Variants in CFAP54 observed in about 807,000 individuals in gnomAD.
The protein encoded by CFAP54 is cilia and flagella associated protein 54.
A neutral mutation model predicts 370.4 loss-of-function variants in CFAP54; 290 were observed. The ratio of observed to expected loss-of-function variants is 0.78; its 90% confidence interval spans 0.71 to 0.86. CFAP54 has a LOEUF of 0.86. Among genes scored for constraint, CFAP54 ranks in the 40% least tolerant of loss-of-function variants. CFAP54 has a pLI of 0.00. For missense variants in CFAP54, 3,399 were observed against 3,528.7 expected (o/e 0.96, Z 0.93); for synonymous variants, 1,206 against 1,236.5 (o/e 0.98, Z 0.52).
intron 27 of CFAP54, among the ~76,000 whole-genome samples, chr12:96,622,721 T>C (rs2136467340): frequency 6.6e-6 from 1 of 152,296 alleles, no homozygotes; most frequent in East Asian, 1.9e-4. Flanking sequence ...GAGTAGAGAC[T>C]CTCATCCCTG....
At chr12:96,521,525 TGTGTGTGTGTGTGTGTGTGTGTGC>T (rs1242010909) in intron 6 of CFAP54, among the ~76,000 whole-genome samples, 6 of 118,352 alleles carry the variant, frequency 5.1e-5, no homozygotes, top group East Asian at 5.4e-4. Context: ...TGTGTGTGTG[TGTGTGTGTGTGTGTGTGTGTGTGC>T]GCGTGCGCAC....
intron 1 of CFAP54, among the ~76,000 whole-genome samples, chr12:96,497,475 C>T (rs1360186229): frequency 6.6e-6 from 1 of 152,148 alleles, no homozygotes; most frequent in African/African-American, 2.4e-5. Context: ...GAAATAGACT[C>T]ACATAAATAT....
chr12:96,512,299 TTTTATATATATATATATATATA>T (rs1955178147), intron 4 of CFAP54, among the ~76,000 whole-genome samples: 4 of 119,574 alleles, frequency 3.3e-5, no homozygotes, highest in African/African-American at 9.0e-5. Context: ...TGGGAACCAA[TTTTATATATATATATATATATA>T]TATATATATA....
At chr12:96,856,781 T>G (rs1471367251) in intron 66 of CFAP54, among the ~76,000 whole-genome samples, 1 of 152,196 alleles carries the variant, frequency 6.6e-6, no homozygotes, top group Non-Finnish European at 1.5e-5. Flanking sequence ...CCCTCCAAAC[T>G]GTCCCAACCT....
chr12:96,697,016 C>T (rs185049476), intron 45 of CFAP54, among the ~76,000 whole-genome samples: 74 of 152,342 alleles, frequency 4.9e-4, no homozygotes, highest in Non-Finnish European at 8.5e-4. Flanking sequence ...TCATGATCAG[C>T]TGGCCTGGCT....
intron 9 of CFAP54, among the ~76,000 whole-genome samples, chr12:96,530,683 A>C (rs1000159459): frequency 6.6e-6 from 1 of 152,220 alleles, no homozygotes; most frequent in Non-Finnish European, 1.5e-5. Context: ...TTTCTCTGGA[A>C]TAAAATGCTC....
chr12:96,675,558 T>C (rs1463621684), intron 39 of CFAP54, among the ~76,000 whole-genome samples: 3 of 152,172 alleles, frequency 2.0e-5, no homozygotes, highest in African/African-American at 7.2e-5. Flanking sequence ...GAACTAGAAA[T>C]ACCATTTGAC....
Position 96,644,418 on chromosome 12 carries a change from A to G in CFAP54, c.4547+10A>G. 2 of 1,481,680 alleles carry G rather than the reference A, an allele frequency of 1.3e-6. No homozygotes were observed. The highest frequency in any genetic ancestry group is 1.4e-5 in the African/African-American group (1 of 71,912). 91.8% of individuals were successfully genotyped at this position (1,481,680 alleles called of 1,614,324 possible). Reference sequence around the variant, plus strand: ...CACATATGATGGTCAGGTATAGTATATTACTGATGAAAAATACTTTTTTAG... The same window carrying G: ...CACATATGATGGTCAGGTATAGTATGTTACTGATGAAAAATACTTTTTTAG... On this transcript the variant is annotated intron_variant, in intron 33 of 67. Transcript: ENST00000524981.
chr12:96,851,251 T>C (rs1959536730), intron 66 of CFAP54, among the ~76,000 whole-genome samples: 1 of 152,210 alleles, frequency 6.6e-6, no homozygotes, highest in East Asian at 1.9e-4. Context: ...CTTAACATTT[T>C]AAAAACTTGT....
intron 15 of CFAP54, among the ~76,000 whole-genome samples, chr12:96,548,582 A>G (rs542320551): frequency 6.6e-6 from 1 of 152,268 alleles, no homozygotes; most frequent in African/African-American, 2.4e-5. Flanking sequence ...ACTTCCTCAA[A>G]TGCACGTTCC....
chr12:96,696,454 G>A (rs1957440916), intron 45 of CFAP54, among the ~76,000 whole-genome samples: 1 of 152,040 alleles, frequency 6.6e-6, no homozygotes, highest in South Asian at 2.1e-4. Context: ...GGGCACCAAA[G>A]GACATAATCT....
intron 9 of CFAP54, among the ~76,000 whole-genome samples, chr12:96,529,062 C>T (rs1955413179): frequency 6.6e-6 from 1 of 152,022 alleles, no homozygotes; most frequent in Non-Finnish European, 1.5e-5. Flanking sequence ...GGGAGATTTT[C>T]TAATTATCTT....
At chr12:96,549,256 A>G (rs1156898776) in intron 15 of CFAP54, among the ~76,000 whole-genome samples, 3 of 152,184 alleles carry the variant, frequency 2.0e-5, no homozygotes, top group Non-Finnish European at 2.9e-5. Flanking sequence ...AATCCTACCT[A>G]TAGGTACAAA....
At position 96,720,412 on chromosome 12, in the gene CFAP54, T is replaced by C. The variant is rs757279456; in HGVS notation, c.6812T>C (p.Leu2271Ser). The C allele has an allele frequency of 6.6e-7, 1 of 1,509,286 alleles. No homozygotes were observed. Among genetic ancestry groups the C allele is most frequent in the South Asian group, 1.3e-5 (1 of 76,298 alleles). The allele number at this position is 1,509,286 out of a possible 1,614,324, so 93.5% of individuals were successfully genotyped here. ...EITLSMLKSMLLMEAEDRLNF... is the reference protein window; with the variant it reads ...EITLSMLKSMSLMEAEDRLNF... ...ATGGTATCCTTTCCTTAGTCGATGTTACTGATGGAAGCTGAGGACAGGCTA... is the reference window on the plus strand; with the variant it reads ...ATGGTATCCTTTCCTTAGTCGATGTCACTGATGGAAGCTGAGGACAGGCTA... The change falls in exon 50 of 68, where the codon TTA (leucine) becomes TCA (serine). Residue 2271 changes from leucine to serine, a missense_variant. Physicochemically the swap from Leu to Ser is moderately radical, Grantham distance 145. Coordinates refer to ENST00000524981, the MANE Select transcript of CFAP54 (RefSeq NM_001306084.2).
intron 62 of CFAP54, 28 bp from the exon 63 acceptor site, chr12:96,792,301 T>G (rs745801705): frequency 4.5e-5 from 65 of 1,455,898 alleles, no homozygotes; most frequent in Non-Finnish European, 2.5e-5. Flanking sequence ...TACCAGTAAT[T>G]AAACTGATGT....
At chr12:96,554,878 A>G in intron 17 of CFAP54, 76 bp downstream of exon 17, 1 of 1,305,536 alleles carries the variant, frequency 7.7e-7, no homozygotes, top group African/African-American at 1.5e-5. Context: ...ATTTAATTTG[A>G]AAACTGTGTT....
chr12:96,492,490 A>C (rs1488439993), intron 1 of CFAP54, among the ~76,000 whole-genome samples: 1 of 152,146 alleles, frequency 6.6e-6, no homozygotes. Flanking sequence ...ACCTCCTTAG[A>C]GTGGCCTTTC....
intron 4 of CFAP54, among the ~76,000 whole-genome samples, chr12:96,507,544 CACACACACACACACAT>C (rs1438771111): frequency 2.8e-5 from 4 of 141,868 alleles, no homozygotes; most frequent in Non-Finnish European, 4.8e-5. Context: ...TACACACACA[CACACACACACACACAT>C]ACACACACAC....
intron 41 of CFAP54, 131 bp from the exon 42 acceptor site, chr12:96,684,898 A>C: frequency 2.0e-6 from 2 of 981,354 alleles, no homozygotes; most frequent in Non-Finnish European, 3.1e-6. Context: ...AACCATTAAG[A>C]ACAGTGAATG....
Sources: gnomAD v4.1 joint callset for allele counts (sites outside exome capture counted in the v4.1 genomes callset) on GRCh38, gnomAD v4.1.1 for gene constraint, MANE v1.5 for transcripts, NCBI Gene and HGNC (gene_info 2026-07-23, HGNC 2026-07-21) for gene names.